The following AGO2 variants were observed in gnomAD, a reference collection of about 807,000 sequenced individuals.
The protein encoded by AGO2 is protein argonaute-2.
AGO2 carries 5 observed loss-of-function variants against 102.3 expected under a neutral mutation model. The observed-to-expected ratio is 0.05, with a 90% CI of 0.03 to 0.10. AGO2 has a LOEUF of 0.10. AGO2 is among the 10% of genes least tolerant of loss of function. AGO2 has a pLI of 1.00. For synonymous variants in AGO2, 449 were observed against 473.1 expected (o/e 0.95, Z 0.66); for missense variants, 541 against 1,183.7 (o/e 0.46, Z 7.97).
At chr8:140,617,217 C>A (rs11987214) in intron 1 of AGO2, among the ~76,000 whole-genome samples, 4 of 152,092 alleles carry the variant, frequency 2.6e-5, no homozygotes, top group Non-Finnish European at 5.9e-5. Flanking sequence ...GGCTCTCGGG[C>A]GCATTGACCT....
chr8:140,556,729 C>A (rs980340488), intron 8 of AGO2, among the ~76,000 whole-genome samples: 74 of 152,258 alleles, frequency 4.9e-4, no homozygotes, highest in South Asian at 8.3e-4. Context: ...GGCTCAGGGT[C>A]GGAATTTGAT....
chr8:140,630,330 A>G (rs1356123472), intron 1 of AGO2, among the ~76,000 whole-genome samples: 1 of 152,184 alleles, frequency 6.6e-6, no homozygotes, highest in African/African-American at 2.4e-5. Flanking sequence ...ACTGCCCTGG[A>G]GGAAGCTCCC....
rs757890095 is a variant in AGO2, at chr8:140,559,566, C to T, written c.656-37G>A. 84 of 1,536,844 alleles carry T rather than the reference C, an allele frequency of 5.5e-5. 1 individual carries two copies. The East Asian group carries it at 1.1e-3, about 20-fold the overall frequency. ...AAAAGAGGCAAAGGCCTAAGCATGA[C>T]TGTGGGGCTGCTGGACGGGCCCATA... is the stretch of plus-strand genomic sequence containing the variant. On this transcript the variant is annotated intron_variant, in intron 5 of 18. Coordinates refer to ENST00000220592, the MANE Select transcript of AGO2 (RefSeq NM_012154.5).
chr8:140,590,812 T>C (rs904616757), intron 1 of AGO2, among the ~76,000 whole-genome samples: 2 of 152,054 alleles, frequency 1.3e-5, no homozygotes, highest in African/African-American at 4.8e-5. Flanking sequence ...AGAGAATACG[T>C]TCTGGGGAAT....
At chr8:140,616,250 T>A (rs1184425581) in intron 1 of AGO2, among the ~76,000 whole-genome samples, 1 of 152,316 alleles carries the variant, frequency 6.6e-6, no homozygotes, top group South Asian at 2.1e-4. Flanking sequence ...TTGAGATTCC[T>A]ACAGGAGAGG....
chr8:140,585,658 G>C (rs185072758), intron 1 of AGO2, among the ~76,000 whole-genome samples: 1 of 152,136 alleles, frequency 6.6e-6, no homozygotes, highest in African/African-American at 2.4e-5. Context: ...TAAACCGCTC[G>C]TTTACTCAGG....
chr8:140,618,871 T>C (rs1391447770), intron 1 of AGO2, among the ~76,000 whole-genome samples: 1 of 148,526 alleles, frequency 6.7e-6, no homozygotes, highest in Non-Finnish European at 1.5e-5. Flanking sequence ...TTACAGGTGG[T>C]TTTTTTTTTC....
At chr8:140,566,321 T>C (rs981851276) in intron 3 of AGO2, among the ~76,000 whole-genome samples, 1 of 152,238 alleles carries the variant, frequency 6.6e-6, no homozygotes, top group Non-Finnish European at 1.5e-5. Flanking sequence ...ACCATGACTG[T>C]GATGCTTCCC....
intron 13 of AGO2, among the ~76,000 whole-genome samples, chr8:140,544,836 A>G (rs1347655226): frequency 6.6e-6 from 1 of 152,186 alleles, no homozygotes; most frequent in Admixed American, 6.5e-5. Flanking sequence ...AAACCACCCC[A>G]TGGAGAACTT....
At chr8:140,607,559 A>G (rs1400731322) in intron 1 of AGO2, among the ~76,000 whole-genome samples, 1 of 149,710 alleles carries the variant, frequency 6.7e-6, no homozygotes, top group Admixed American at 6.7e-5. Flanking sequence ...TCACTGACGA[A>G]TGGATAAAAA....
chr8:140,558,609 G>T, intron 6 of AGO2, 37 bp from the exon 7 acceptor site: 1 of 1,604,648 alleles, frequency 6.2e-7, no homozygotes, highest in Non-Finnish European at 8.5e-7. Context: ...CATCGGGGCT[G>T]TCCCGACCTG....
chr8:140,610,573 G>A (rs900651426), intron 1 of AGO2, among the ~76,000 whole-genome samples: 6 of 152,208 alleles, frequency 3.9e-5, no homozygotes, highest in Admixed American at 3.9e-4. Flanking sequence ...AAAGCACAAA[G>A]AGAATTCCAA....
rs752307691 is a variant in AGO2, at chr8:140,544,311, G to C, written c.1749-8C>G. On this transcript the variant is annotated splice_region_variant and splice_polypyrimidine_tract_variant and intron_variant, in intron 13 of 18. Coordinates refer to ENST00000220592, the MANE Select transcript of AGO2 (RefSeq NM_012154.5). Reference sequence around the variant, plus strand: ...TGCTGGAACACCGGCGGCCTGCGGAGAGGAGTGGCGTCAGGGGCCACGGTG... The same window carrying C: ...TGCTGGAACACCGGCGGCCTGCGGACAGGAGTGGCGTCAGGGGCCACGGTG... 3 of 1,597,170 alleles carry C rather than the reference G, an allele frequency of 1.9e-6. No individual in the cohort carries two copies. Among genetic ancestry groups the C allele is most frequent in the Non-Finnish European group, 2.6e-6 (3 of 1,173,396 alleles).
At position 140,535,930 on chromosome 8, in the gene AGO2, A is replaced by T. The variant is rs186001501; in HGVS notation, c.2170-361T>A. Reference sequence around the variant, plus strand: ...GAAACTGTCACCAACGTACACATCTAAAGCTAAACCAGGTGACTGGCTGCG... The same window carrying T: ...GAAACTGTCACCAACGTACACATCTTAAGCTAAACCAGGTGACTGGCTGCG... On this transcript the variant is annotated intron_variant, in intron 16 of 18. Transcript: ENST00000220592. Among the ~76,000 whole-genome samples, 91 of 152,338 alleles carry T rather than the reference A, an allele frequency of 6.0e-4. 1 individual carries two copies. The highest frequency in any genetic ancestry group is 2.1e-3 in the African/African-American group (87 of 41,576).
chr8:140,558,688 T>C, intron 6 of AGO2, 116 bp from the exon 7 acceptor site: 6 of 1,116,864 alleles, frequency 5.4e-6, no homozygotes, highest in Non-Finnish European at 7.9e-6. Context: ...TATGGGGGGC[T>C]GCAGGGCTCC....
Position 140,559,390 on chromosome 8 carries a change from AT to A in AGO2, c.790+4del. On this transcript the variant is annotated splice_donor_region_variant and intron_variant, in intron 6 of 18. Transcript: ENST00000220592. ...TCAGCCAGGTGTGCTGGGACAGTTC[AT>A]TACCTTTAATTTCTTTGGTAAACTT... 1.2e-6 allele frequency: 2 copies of A among 1,614,100 alleles called. No individual in the cohort carries two copies. Among genetic ancestry groups the A allele is most frequent in the African/African-American group, 1.3e-5 (1 of 75,036 alleles).
At chr8:140,601,433 C>T (rs1032947459) in intron 1 of AGO2, among the ~76,000 whole-genome samples, 1 of 152,258 alleles carries the variant, frequency 6.6e-6, no homozygotes, top group Non-Finnish European at 1.5e-5. Flanking sequence ...ACTCCCTGCA[C>T]TAGGCACACC....
intron 3 of AGO2, among the ~76,000 whole-genome samples, chr8:140,565,175 C>G (rs1232624638): frequency 6.6e-6 from 1 of 151,758 alleles, no homozygotes; most frequent in Non-Finnish European, 1.5e-5. Flanking sequence ...CACGGTGGCT[C>G]ACACCTGTAA....
intron 1 of AGO2, among the ~76,000 whole-genome samples, chr8:140,618,404 A>G (rs1343656484): frequency 6.6e-6 from 1 of 151,468 alleles, no homozygotes. Context: ...CAGGAGAAAC[A>G]CTTGAATTCA....
Sources: allele counts gnomAD v4.1 joint callset (sites outside exome capture counted in the v4.1 genomes callset), GRCh38; gene constraint gnomAD v4.1.1; transcripts MANE v1.5; gene names NCBI Gene and HGNC (gene_info 2026-07-23, HGNC 2026-07-21).